DEPDC4: variants seen among roughly 807,000 people sequenced by gnomAD.
DEPDC4 encodes DEP domain-containing protein 4.
Under a neutral mutation model 52.0 loss-of-function variants are expected in DEPDC4, and 52 were observed. That is an observed-to-expected ratio of 1.00 (90% confidence interval 0.80 to 1.26). DEPDC4 has a LOEUF of 1.26. Among genes scored for constraint, DEPDC4 ranks in the 50% most tolerant of loss-of-function variants. The probability of loss-of-function intolerance (pLI) is 0.00; values close to 1 mark genes in which losing one functional copy is unlikely to be tolerated. For missense variants in DEPDC4, 530 were observed against 546.9 expected, an observed-to-expected ratio of 0.97 and a Z score of 0.31; for synonymous variants, 201 against 196.8, an observed-to-expected ratio of 1.02 and a Z score of -0.18.
At chr12:100,272,796 A>G in the DEPDC4 span, among the ~76,000 whole-genome samples, 3 of 152,020 alleles carry the variant, frequency 2.0e-5, no homozygotes, top group Admixed American at 6.6e-5. Flanking sequence ...TCTCACTGCT[A>G]TTTTTGTAAT....
chr12:100,238,100 T>C (rs1418207762), downstream of DEPDC4: 11 of 970,450 alleles, frequency 1.1e-5, no homozygotes, highest in African/African-American at 1.2e-4. Flanking sequence ...ACTGGAAGTA[T>C]ACTAACTTCC....
chr12:100,264,588 A>G (rs943471831), intron 1 of DEPDC4, among the ~76,000 whole-genome samples: 1 of 152,004 alleles, frequency 6.6e-6, no homozygotes, highest in Non-Finnish European at 1.5e-5. Context: ...CTGAGGCAGG[A>G]GAATCTCTTC....
At position 100,262,247 on chromosome 12, in the gene DEPDC4, T is replaced by A; in HGVS notation, c.700+17A>T. 1.3e-6 allele frequency: 2 copies of A among 1,595,972 alleles called. No individual in the cohort carries two copies. The highest frequency in any genetic ancestry group is 1.9e-5 in the Admixed American group (1 of 53,850). On this transcript the variant is annotated intron_variant, in intron 3 of 9. Coordinates refer to ENST00000550587, the MANE Select transcript of DEPDC4 (RefSeq NM_001364818.2). ...TCTTCCTTACCATGTTCTGAAAAAA[T>A]AATGAAAACAAATTACCTTCTTTTG...
At chr12:100,269,563 C>CTT (rs2096285028), upstream of DEPDC4, among the ~76,000 whole-genome samples, 1 of 152,108 alleles carries the variant, frequency 6.6e-6, no homozygotes, top group Non-Finnish European at 1.5e-5. Context: ...TTGTACTAAA[C>CTT]ATTTTATCTT....
intron 7 of DEPDC4, 104 bp downstream of exon 7, chr12:100,252,072 C>T (rs781690562): frequency 2.2e-5 from 22 of 1,000,644 alleles, no homozygotes; most frequent in Non-Finnish European, 2.6e-5. Context: ...AAACTTTGCA[C>T]ATTATAGGTA....
intron 8 of DEPDC4, among the ~76,000 whole-genome samples, chr12:100,247,435 A>C (rs2096190733): frequency 6.6e-6 from 1 of 152,150 alleles, no homozygotes; most frequent in South Asian, 2.1e-4. Flanking sequence ...CGAAGTCATA[A>C]CCTCAGGTGA....
Position 100,256,061 on chromosome 12 carries a change from A to T in DEPDC4, c.866T>A (p.Leu289Ter). ...AATGGTCACTTACTCAGGTAGACAT[A>T]AGCTTGGAATAAGTTCTCTGTCTAG... is the stretch of plus-strand genomic sequence containing the variant. Reference protein sequence around the residue: ...TCLDRELIPSLCLPEIDNWLN... With the variant: ...TCLDRELIPS The change falls in exon 4 of 10, where the codon TTA becomes TAA. Residue 289 changes from leucine to a stop codon, truncating the protein, a stop_gained. Coordinates refer to ENST00000550587, the MANE Select transcript of DEPDC4 (RefSeq NM_001364818.2). LOFTEE classifies it high-confidence loss of function. 2 of 1,601,664 alleles carry T rather than the reference A, an allele frequency of 1.2e-6. No individual in the cohort carries two copies. The highest frequency in any genetic ancestry group is 2.2e-5 in the South Asian group (2 of 88,948).
chr12:100,238,018 T>A (rs1306142501), downstream of DEPDC4: 1 of 969,974 alleles, frequency 1.0e-6, no homozygotes, highest in Admixed American at 6.2e-5. Context: ...AGGAGACTTC[T>A]ATCGAAGAGG....
At position 100,246,256 on chromosome 12, in the gene DEPDC4, C is replaced by A. The variant is rs141526652; in HGVS notation, c.1453+2644G>T. 1.4e-4 allele frequency among the ~76,000 whole-genome samples: 21 copies of A among 151,924 alleles called. No individual in the cohort carries two copies. The East Asian group carries it at 3.3e-3, about 24-fold the overall frequency. ...CCTATTCTTTAAGACTCCTATTATG[C>A]GTTATCTCTTCTACAAGCTTTGATT... On this transcript the variant is annotated intron_variant, in intron 8 of 9. Transcript: ENST00000550587.
At chr12:100,235,031 G>A (rs1045923026) in intron 9 of DEPDC4, among the ~76,000 whole-genome samples, 3 of 150,812 alleles carry the variant, frequency 2.0e-5, no homozygotes, top group African/African-American at 4.9e-5. Context: ...CTGTTTACAA[G>A]TTTCATTGAG....
chr12:100,268,158 G>A (rs898746560), upstream of DEPDC4, among the ~76,000 whole-genome samples: 7 of 152,216 alleles, frequency 4.6e-5, no homozygotes, highest in Non-Finnish European at 1.0e-4. Context: ...TATGCCTGTA[G>A]TGACTTCATT....
intron 3 of DEPDC4, among the ~76,000 whole-genome samples, chr12:100,258,798 C>T (rs1466046182): frequency 2.6e-5 from 4 of 151,640 alleles, no homozygotes; most frequent in Non-Finnish European, 5.9e-5. Context: ...AGGCCAGGCG[C>T]GGTGGTTCAC....
At position 100,245,236 on chromosome 12, in the gene DEPDC4, C is replaced by A. The variant is rs1281273080; in HGVS notation, c.1454-2667G>T. 3.9e-5 allele frequency among the ~76,000 whole-genome samples: 6 copies of A among 152,162 alleles called. No homozygotes were observed. In the East Asian group the frequency reaches 7.8e-4, roughly 20 times the overall value. On this transcript the variant is annotated intron_variant, in intron 8 of 9. Transcript: ENST00000550587. ...ATTCCCCTAAATACGGTGGTAGTCACCCCACCTGGAAACCTGGGATTCATA... is the reference window on the plus strand; with the variant it reads ...ATTCCCCTAAATACGGTGGTAGTCAACCCACCTGGAAACCTGGGATTCATA...
intron 8 of DEPDC4, among the ~76,000 whole-genome samples, chr12:100,247,332 A>AG (rs558302285): frequency 1.4e-3 from 217 of 150,090 alleles, no homozygotes; most frequent in Non-Finnish European, 1.7e-3. Flanking sequence ...CAGCCTCCCA[A>AG]GTAGCTTGGA....
the DEPDC4 span, among the ~76,000 whole-genome samples, chr12:100,278,630 C>CTTTTT: frequency 8.3e-6 from 1 of 120,524 alleles, no homozygotes; most frequent in Admixed American, 8.6e-5. Context: ...TGGGGAAATT[C>CTTTTT]TTTTTTTTTT....
chr12:100,267,261 G>A (rs2096278586), upstream of DEPDC4: 2 of 622,118 alleles, frequency 3.2e-6, no homozygotes, highest in Non-Finnish European at 5.5e-6. Flanking sequence ...TTGCGGCCGC[G>A]GGGGCGGCGG....
upstream of DEPDC4, chr12:100,267,262 G>C (rs2096278594): frequency 3.2e-6 from 2 of 626,090 alleles, no homozygotes; most frequent in Non-Finnish European, 5.4e-6. Context: ...TGCGGCCGCG[G>C]GGGCGGCGGA....
At chr12:100,249,853 A>G (rs1223335171) in intron 7 of DEPDC4, among the ~76,000 whole-genome samples, 1 of 152,244 alleles carries the variant, frequency 6.6e-6, no homozygotes, top group Non-Finnish European at 1.5e-5. Flanking sequence ...GGGAAGTTAC[A>G]TTCTCATAGG....
At chr12:100,243,991 TTCC>T (rs2096171616) in intron 8 of DEPDC4, among the ~76,000 whole-genome samples, 1 of 150,710 alleles carries the variant, frequency 6.6e-6, no homozygotes, top group African/African-American at 2.4e-5. Flanking sequence ...CATTCATAGG[TTCC>T]TCTTTACTCA....
Sources: gnomAD v4.1 joint callset for allele counts (sites outside exome capture counted in the v4.1 genomes callset) on GRCh38, gnomAD v4.1.1 for gene constraint, MANE v1.5 for transcripts, NCBI Gene and HGNC (gene_info 2026-07-23, HGNC 2026-07-21) for gene names.